The following GALNT2 variants were observed in gnomAD, a reference collection of about 807,000 sequenced individuals.
GALNT2 encodes polypeptide N-acetylgalactosaminyltransferase 2.
In GALNT2, 31 loss-of-function variants were observed where a neutral mutation model predicts 81.4. The observed-to-expected ratio is 0.38, with a 90% CI of 0.29 to 0.51. The LOEUF is 0.51. GALNT2 is among the 20% of genes least tolerant of loss of function. The probability of loss-of-function intolerance (pLI) is 0.87; values close to 1 mark genes in which losing one functional copy is unlikely to be tolerated. For synonymous variants in GALNT2, 303 were observed against 287.4 expected (o/e 1.05, Z -0.55); for missense variants, 629 against 765.7 (o/e 0.82, Z 2.11).
At chr1:230,190,945 G>A (rs774461559) in intron 2 of GALNT2, among the ~76,000 whole-genome samples, 2 of 152,120 alleles carry the variant, frequency 1.3e-5, no homozygotes, top group Non-Finnish European at 2.9e-5. Flanking sequence ...ATTCCTAAAA[G>A]TGAAATTGCA....
At position 230,275,523 on chromosome 1, in the gene GALNT2, TAC is replaced by T. The variant is rs531818088; in HGVS notation, c.1560+961_1560+962del. Among the ~76,000 whole-genome samples, 386 of 151,006 alleles carry T rather than the reference TAC, an allele frequency of 2.6e-3. 3 individuals carry two copies. Among genetic ancestry groups the T allele is most frequent in the Non-Finnish European group, 4.6e-3 (313 of 67,646 alleles). ...CACACCACAGATACATACATATATA[TAC>T]ATGCCACATAGATATACATATATAA... On this transcript the variant is annotated intron_variant, in intron 15 of 15. Coordinates refer to ENST00000366672, the MANE Select transcript of GALNT2 (RefSeq NM_004481.5). This position sits in a 1 kb window ranked among gnomAD's most constrained non-coding sequence, Gnocchi z 5.5.
chr1:230,154,866 T>C (rs954714022), intron 1 of GALNT2, among the ~76,000 whole-genome samples: 8 of 152,238 alleles, frequency 5.3e-5, no homozygotes, highest in African/African-American at 1.9e-4. Flanking sequence ...CCTGGCATAC[T>C]TACTCAGGTA....
In GALNT2 at chr1:230,103,370, G is replaced by A. The variant is rs1243514492; in HGVS notation, c.126+35964G>A. Among the ~76,000 whole-genome samples the A allele has an allele frequency of 2.0e-5, 3 of 152,204 alleles. No individual in the cohort carries two copies. In the South Asian group the frequency reaches 6.2e-4, roughly 31 times the overall value. The stretch of plus-strand genomic sequence containing the variant: ...AGCAACCTTGCTACAGTCATGCAAA[G>A]ATGATTATTTTTTATTCAGCAATAA... On this transcript the variant is annotated intron_variant, in intron 1 of 15. Coordinates refer to ENST00000366672, the MANE Select transcript of GALNT2 (RefSeq NM_004481.5).
At chr1:230,093,757 G>A (rs529252547) in intron 1 of GALNT2, among the ~76,000 whole-genome samples, 2 of 152,186 alleles carry the variant, frequency 1.3e-5, no homozygotes, top group Non-Finnish European at 2.9e-5. Context: ...ATACTATTAT[G>A]TTATAGTTGC....
chr1:230,102,398 C>T (rs369653286), intron 1 of GALNT2, among the ~76,000 whole-genome samples: 4 of 152,088 alleles, frequency 2.6e-5, no homozygotes, highest in African/African-American at 7.2e-5. Flanking sequence ...TCAAAATAAA[C>T]GTGGCAATTT....
At position 230,213,223 on chromosome 1, in the gene GALNT2, A is replaced by T. The variant is rs181094161; in HGVS notation, c.374+9933A>T. On this transcript the variant is annotated intron_variant, in intron 3 of 15. Coordinates refer to ENST00000366672, the MANE Select transcript of GALNT2 (RefSeq NM_004481.5). ...ATCGTCTTTGTTGTCAAGAAACTGTAGTCTTCCCGGAGAGGCAGACAAGGA... is the reference window on the plus strand; with the variant it reads ...ATCGTCTTTGTTGTCAAGAAACTGTTGTCTTCCCGGAGAGGCAGACAAGGA... 1.4e-3 allele frequency among the ~76,000 whole-genome samples: 208 copies of T among 152,358 alleles called. 1 individual carries two copies. In the Middle Eastern group the frequency reaches 0.017, roughly 12 times the overall value.
chr1:230,143,343 T>C (rs6682741), intron 1 of GALNT2, among the ~76,000 whole-genome samples: 117,500 of 151,978 alleles, frequency 0.77, 45,974 homozygotes, highest in Admixed American at 0.8. Flanking sequence ...GATGTCCAGT[T>C]GTTTGCAGCA....
chr1:230,267,795 C>A (rs1322265516), intron 14 of GALNT2, among the ~76,000 whole-genome samples: 2 of 152,242 alleles, frequency 1.3e-5, no homozygotes, highest in African/African-American at 4.8e-5. Context: ...AGGTGCCATC[C>A]CCACCGTGTC....
At chr1:230,064,935 T>G (rs1332347663), upstream of GALNT2, among the ~76,000 whole-genome samples, 7 of 152,266 alleles carry the variant, frequency 4.6e-5, no homozygotes, top group African/African-American at 1.2e-4. Context: ...TTTTTTGCCT[T>G]TAAAATCTAA....
intron 1 of GALNT2, among the ~76,000 whole-genome samples, chr1:230,120,795 C>T (rs1660993040): frequency 6.6e-6 from 1 of 152,150 alleles, no homozygotes; most frequent in Non-Finnish European, 1.5e-5. Context: ...GACTGTGGCC[C>T]CAGGTCGTCA....
intron 3 of GALNT2, among the ~76,000 whole-genome samples, chr1:230,207,372 T>C (rs1664094112): frequency 6.6e-6 from 1 of 152,018 alleles, no homozygotes; most frequent in African/African-American, 2.4e-5. Context: ...CCCTGAAGGA[T>C]AGATACAAGG....
In GALNT2 at chr1:230,257,118, C is replaced by T. The variant is rs912057674; in HGVS notation, c.1136+1774C>T. ...CAGGGGCAGAAGAGCTAGACAGGCCCGGGCCATGCACCTTTGCAGGTCATG... is the reference window on the plus strand; with the variant it reads ...CAGGGGCAGAAGAGCTAGACAGGCCTGGGCCATGCACCTTTGCAGGTCATG... On this transcript the variant is annotated intron_variant, in intron 11 of 15. Transcript: ENST00000366672. The surrounding 1 kb of genome is among the most constrained non-coding windows in gnomAD (Gnocchi z 4.6). 5.9e-5 allele frequency among the ~76,000 whole-genome samples: 9 copies of T among 152,320 alleles called. No homozygotes were observed. The highest frequency in any genetic ancestry group is 3.9e-4 in the East Asian group (2 of 5,176).
intron 1 of GALNT2, among the ~76,000 whole-genome samples, chr1:230,111,977 C>G (rs1032854418): frequency 6.6e-6 from 1 of 151,902 alleles, no homozygotes; most frequent in Non-Finnish European, 1.5e-5. Flanking sequence ...GCAAAAGCAG[C>G]CTACTGTGCA....
intron 10 of GALNT2, 107 bp downstream of exon 10, chr1:230,250,667 G>A (rs1665517604): frequency 1.5e-6 from 1 of 686,372 alleles, no homozygotes; most frequent in Admixed American, 2.9e-5. Flanking sequence ...ACCATTCACT[G>A]GGCTTAATCG....
intron 7 of GALNT2, among the ~76,000 whole-genome samples, chr1:230,245,049 C>T (rs186001838): frequency 5.8e-4 from 88 of 152,266 alleles, no homozygotes; most frequent in Admixed American, 2.6e-3. Context: ...CACCAGCATC[C>T]GTCATTTGAG....
intron 3 of GALNT2, among the ~76,000 whole-genome samples, chr1:230,211,249 C>CA (rs145914988): frequency 0.075 from 11,433 of 152,168 alleles, 877 homozygotes; most frequent in African/African-American, 0.18. Context: ...TGCCCAACTC[C>CA]AACTCTGTAT....
At chr1:230,074,945 AGGGTTTCT>A (rs1180042458) in intron 1 of GALNT2, among the ~76,000 whole-genome samples, 1 of 151,592 alleles carries the variant, frequency 6.6e-6, no homozygotes, top group Non-Finnish European at 1.5e-5. Flanking sequence ...CTCCTGGCCG[AGGGTTTCT>A]GCCAGCCAGC....
At chr1:230,182,364 T>G (rs1663188336) in intron 2 of GALNT2, among the ~76,000 whole-genome samples, 1 of 152,230 alleles carries the variant, frequency 6.6e-6, no homozygotes, top group Admixed American at 6.5e-5. Context: ...ATGCACTCAG[T>G]ACTATAAATT....
chr1:230,144,088 T>C (rs1661835196), intron 1 of GALNT2, among the ~76,000 whole-genome samples: 1 of 152,016 alleles, frequency 6.6e-6, no homozygotes, highest in South Asian at 2.1e-4. Context: ...TCGTGGGAGG[T>C]GGCTTGATGC....
Sources: allele counts gnomAD v4.1 joint callset (sites outside exome capture counted in the v4.1 genomes callset), GRCh38; gene constraint gnomAD v4.1.1; non-coding constraint Gnocchi (gnomAD v3.1); transcripts MANE v1.5; gene names NCBI Gene and HGNC (gene_info 2026-07-23, HGNC 2026-07-21).